The following BCAS3 variants were observed in gnomAD, a reference collection of about 807,000 sequenced individuals.
BCAS3 encodes BCAS4/BCAS3 fusion.
Under a neutral mutation model 116.1 loss-of-function variants are expected in BCAS3, and 53 were observed. The observed-to-expected ratio is 0.46, with a 90% CI of 0.37 to 0.57. The LOEUF (loss-of-function observed/expected upper bound fraction) is 0.57, where lower values mean the gene tolerates loss of function less well. Among genes scored for constraint, BCAS3 ranks in the 20% least tolerant of loss-of-function variants. The probability of loss-of-function intolerance (pLI) is 0.00; values close to 1 mark genes in which losing one functional copy is unlikely to be tolerated. For synonymous variants in BCAS3, 391 were observed against 408.2 expected (o/e 0.96, Z 0.51); for missense variants, 917 against 1,165.4 (o/e 0.79, Z 3.10).
rs1413099875 is a variant in BCAS3 at position 60,993,408 on chromosome 17, C to T, written c.1486+3173C>T. Among the ~76,000 whole-genome samples, 3 of 152,036 alleles carry T rather than the reference C, an allele frequency of 2.0e-5. No homozygotes were observed. The highest frequency in any genetic ancestry group is 2.9e-5 in the Non-Finnish European group (2 of 67,996). On this transcript the variant is annotated intron_variant, in intron 15 of 23. Coordinates refer to ENST00000407086, the MANE Select transcript of BCAS3 (RefSeq NM_017679.5). This position sits in a 1 kb window ranked among gnomAD's most constrained non-coding sequence, Gnocchi z 4.2. The stretch of plus-strand genomic sequence containing the variant: ...CTCAAAGAGGAGAATCCACACTGTT[C>T]GACTATGCTGCTGTACTTAAGATTT...
rs2054525971 is a variant in BCAS3 at position 61,313,870 on chromosome 17, G to A, written c.2426-54457G>A. 6.6e-6 allele frequency among the ~76,000 whole-genome samples: 1 copy of A among 152,204 alleles called. No individual in the cohort carries two copies. The highest frequency in any genetic ancestry group is 6.5e-5 in the Admixed American group (1 of 15,284). On this transcript the variant is annotated intron_variant, in intron 22 of 23. Coordinates refer to ENST00000407086, the MANE Select transcript of BCAS3 (RefSeq NM_017679.5). This position sits in a 1 kb window ranked among gnomAD's most constrained non-coding sequence, Gnocchi z 4.3. ...AATGCCGCGGAGCCAGTGACCACACGTGGGCCTGCTGTCTCCTCCACCAGC... is the reference window on the plus strand; with the variant it reads ...AATGCCGCGGAGCCAGTGACCACACATGGGCCTGCTGTCTCCTCCACCAGC...
intron 5 of BCAS3, among the ~76,000 whole-genome samples, chr17:60,745,617 G>A (rs1264682849): frequency 6.6e-6 from 1 of 152,038 alleles, no homozygotes; most frequent in Non-Finnish European, 1.5e-5. Flanking sequence ...AATGGCCATG[G>A]TTTTTATTCT....
chr17:61,025,786 C>A (rs2066203091), intron 16 of BCAS3, among the ~76,000 whole-genome samples: 1 of 152,030 alleles, frequency 6.6e-6, no homozygotes, highest in Admixed American at 6.6e-5. Flanking sequence ...TCTTGCGTGT[C>A]TCTGTTCCTT....
At chr17:61,072,420 G>GGATATATATATAGGGAT (rs2071519990) in intron 19 of BCAS3, among the ~76,000 whole-genome samples, 2 of 151,992 alleles carry the variant, frequency 1.3e-5, no homozygotes, top group Admixed American at 6.6e-5. Flanking sequence ...CTATTTTGAT[G>GGATATATATATAGGGAT]ATGGATAAAT....
chr17:60,762,222 T>G (rs2043611872), intron 6 of BCAS3, among the ~76,000 whole-genome samples: 1 of 152,240 alleles, frequency 6.6e-6, no homozygotes, highest in African/African-American at 2.4e-5. Flanking sequence ...CATTAGTCAA[T>G]TTTGGCTTTT....
chr17:60,837,812 T>G (rs1466466229), intron 7 of BCAS3, among the ~76,000 whole-genome samples: 3 of 151,982 alleles, frequency 2.0e-5, no homozygotes, highest in Non-Finnish European at 4.4e-5. Flanking sequence ...CCACCATGCT[T>G]GGCTAATGTT....
rs189980328 is a variant in BCAS3, at chr17:61,381,589, A to G, written c.2594-10388A>G. On this transcript the variant is annotated intron_variant, in intron 23 of 23. Coordinates refer to ENST00000407086, the MANE Select transcript of BCAS3 (RefSeq NM_017679.5). The surrounding 1 kb of genome is among the most constrained non-coding windows in gnomAD (Gnocchi z 6.0). ...CTTGTTCACTGATGTCAAGGCTACC[A>G]GACGCTAAATGCCACCGAGAAGTTA... Among the ~76,000 whole-genome samples, 511 of 152,014 alleles carry G rather than the reference A, an allele frequency of 3.4e-3. 1 individual carries two copies. Among genetic ancestry groups the G allele is most frequent in the African/African-American group, 0.012 (493 of 41,462 alleles).
At chr17:61,320,254 C>T (rs1388592338) in intron 22 of BCAS3, among the ~76,000 whole-genome samples, 1 of 152,082 alleles carries the variant, frequency 6.6e-6, no homozygotes, top group South Asian at 2.1e-4. Flanking sequence ...ACTCAAGTCT[C>T]TTTTACTCCA....
intron 22 of BCAS3, among the ~76,000 whole-genome samples, chr17:61,314,090 T>G (rs1428984593): frequency 6.6e-6 from 1 of 152,242 alleles, no homozygotes; most frequent in Non-Finnish European, 1.5e-5. Context: ...TCTAGCCTAG[T>G]CCAGCTCCCT....
intron 22 of BCAS3, among the ~76,000 whole-genome samples, chr17:61,170,411 G>T (rs2078773876): frequency 6.6e-6 from 1 of 151,930 alleles, no homozygotes; most frequent in Admixed American, 6.6e-5. Context: ...TCCTGCCTCA[G>T]CCTCCCAAGT....
chr17:61,331,575 T>G (rs2056291026), intron 22 of BCAS3, among the ~76,000 whole-genome samples: 1 of 152,168 alleles, frequency 6.6e-6, no homozygotes, highest in African/African-American at 2.4e-5. Flanking sequence ...GGAGGATCAC[T>G]TGAGCATAGG....
At chr17:61,195,604 T>C (rs181423188) in intron 22 of BCAS3, among the ~76,000 whole-genome samples, 6 of 151,468 alleles carry the variant, frequency 4.0e-5, no homozygotes, top group African/African-American at 1.2e-4. Flanking sequence ...CTCAAACTCC[T>C]GTGCTCAAGT....
In BCAS3 at chr17:61,124,073, GAT is replaced by G. The variant is rs558828729; in HGVS notation, c.2425+39521_2425+39522del. Among the ~76,000 whole-genome samples the G allele has an allele frequency of 2.0e-5, 3 of 151,236 alleles. No homozygotes were observed. The highest frequency in any genetic ancestry group is 6.6e-5 in the Admixed American group (1 of 15,172). ...ATTTCAAACTTGTATCTAGGAGAGA[GAT>G]ATATATATATACATATATATGTTTT... is the stretch of plus-strand genomic sequence containing the variant. On this transcript the variant is annotated intron_variant, in intron 22 of 23. Coordinates refer to ENST00000407086, the MANE Select transcript of BCAS3 (RefSeq NM_017679.5). This position sits in a 1 kb window ranked among gnomAD's most constrained non-coding sequence, Gnocchi z 4.6.
rs576257637 is a variant in BCAS3 at position 61,315,365 on chromosome 17, C to T, written c.2426-52962C>T. Among the ~76,000 whole-genome samples the T allele has an allele frequency of 4.6e-5, 7 of 152,160 alleles. No individual in the cohort carries two copies. The highest frequency in any genetic ancestry group is 1.3e-4 in the Admixed American group (2 of 15,278). ...AACTCCTGACCTCAGGTGATCCGGC[C>T]GCCTCAGCCTCCCAAAGTGCTGGGA... is the stretch of plus-strand genomic sequence containing the variant. On this transcript the variant is annotated intron_variant, in intron 22 of 23. Transcript: ENST00000407086. The surrounding 1 kb of genome is among the most constrained non-coding windows in gnomAD (Gnocchi z 5.3).
At chr17:60,690,951 A>G (rs1388136728) in intron 4 of BCAS3, among the ~76,000 whole-genome samples, 1 of 148,458 alleles carries the variant, frequency 6.7e-6, no homozygotes, top group East Asian at 2.0e-4. Flanking sequence ...AAAACAAAAC[A>G]AAAGGGAGTC....
chr17:61,003,357 T>C (rs569671844), intron 15 of BCAS3, among the ~76,000 whole-genome samples: 8 of 151,334 alleles, frequency 5.3e-5, no homozygotes, highest in African/African-American at 9.7e-5. Context: ...AGCTTTTTTG[T>C]GCTCCTTTTA....
intron 4 of BCAS3, among the ~76,000 whole-genome samples, chr17:60,704,982 GC>G: frequency 6.6e-6 from 1 of 152,108 alleles, no homozygotes; most frequent in African/African-American, 2.4e-5. Flanking sequence ...AGATCAAAGG[GC>G]CACATGGACC....
intron 22 of BCAS3, among the ~76,000 whole-genome samples, chr17:61,359,968 G>A (rs566865079): frequency 7.9e-5 from 12 of 151,120 alleles, no homozygotes; most frequent in Non-Finnish European, 1.3e-4. Context: ...GTGGGGCCTA[G>A]TGCAGGAGCT....
rs137997249 is a variant in BCAS3, at chr17:61,011,210, C to T, written c.1487-4541C>T. On this transcript the variant is annotated intron_variant, in intron 15 of 23. Transcript: ENST00000407086. ...GAAGGTGATACCTTGTAACTCTCTT[C>T]ATAGATCTCAGAAATATTATTTGTA... Among the ~76,000 whole-genome samples, 4 of 152,098 alleles carry T rather than the reference C, an allele frequency of 2.6e-5. No homozygotes were observed. In the East Asian group the frequency reaches 7.7e-4, roughly 29 times the overall value.
Sources: gnomAD v4.1 joint callset for allele counts (sites outside exome capture counted in the v4.1 genomes callset) on GRCh38, gnomAD v4.1.1 for gene constraint, Gnocchi (gnomAD v3.1) non-coding constraint, MANE v1.5 for transcripts, NCBI Gene and HGNC (gene_info 2026-07-23, HGNC 2026-07-21) for gene names.